CDH13: variants seen among roughly 807,000 people sequenced by gnomAD.
CDH13 encodes the protein cadherin 13.
In CDH13, 24 loss-of-function variants were observed where a neutral mutation model predicts 63.8. That is an observed-to-expected ratio of 0.38 (90% confidence interval 0.27 to 0.53). CDH13 has a LOEUF of 0.53. Ranked by LOEUF, CDH13 falls within the 20% of genes least tolerant of loss-of-function variation. The pLI is 0.85. For synonymous variants in CDH13, 503 were observed against 355.3 expected (o/e 1.42, Z -4.67); for missense variants, 1,049 against 903.1 (o/e 1.16, Z -2.07).
intron 4 of CDH13, chr16:83,171,480 T>A (rs2037913164): frequency 6.7e-7 from 1 of 1,487,966 alleles, no homozygotes; most frequent in Non-Finnish European, 9.1e-7. Flanking sequence ...GGTTACTCAT[T>A]CTATGAAAAT....
chr16:83,775,490 C>G (rs1261752558), intron 11 of CDH13, among the ~76,000 whole-genome samples: 1 of 151,826 alleles, frequency 6.6e-6, no homozygotes, highest in Non-Finnish European at 1.5e-5. Context: ...AGAAGTTAGA[C>G]TTCTCTGATC....
At chr16:82,635,770 C>G (rs893956200) in intron 1 of CDH13, among the ~76,000 whole-genome samples, 49 of 152,204 alleles carry the variant, frequency 3.2e-4, no homozygotes, top group African/African-American at 1.1e-3. Flanking sequence ...ATTGTAATCC[C>G]TAATGTTGGA....
chr16:83,764,488 C>T (rs1430916490), intron 11 of CDH13, among the ~76,000 whole-genome samples: 3 of 152,190 alleles, frequency 2.0e-5, no homozygotes, highest in African/African-American at 7.2e-5. Flanking sequence ...CCATCTCAAC[C>T]AGTTCATCCT....
chr16:83,573,931 C>T (rs1485694761), intron 7 of CDH13, among the ~76,000 whole-genome samples: 2 of 152,106 alleles, frequency 1.3e-5, no homozygotes, highest in Admixed American at 6.5e-5. Flanking sequence ...AAGCCTGGAC[C>T]ATCTTGCTCC....
At chr16:83,376,009 A>G (rs185565173) in intron 6 of CDH13, among the ~76,000 whole-genome samples, 3 of 152,298 alleles carry the variant, frequency 2.0e-5, no homozygotes, top group African/African-American at 7.2e-5. Flanking sequence ...TAAAGGACCA[A>G]GAGGAGCTTT....
At chr16:83,433,449 C>A (rs1478426407) in intron 6 of CDH13, among the ~76,000 whole-genome samples, 1 of 152,180 alleles carries the variant, frequency 6.6e-6, no homozygotes, top group Non-Finnish European at 1.5e-5. Flanking sequence ...TGGGAAAATG[C>A]ATGACCAGCG....
rs569843175 is a variant in CDH13 at position 83,097,577 on chromosome 16, C to T, written c.367-27808C>T. Among the ~76,000 whole-genome samples the T allele has an allele frequency of 1.7e-4, 26 of 152,276 alleles. No homozygotes were observed. In the South Asian group the frequency reaches 5.2e-3, roughly 30 times the overall value. On this transcript the variant is annotated intron_variant, in intron 3 of 13. Transcript: ENST00000567109. ...GTAATCAATATGGATGCCTGGGTGA[C>T]AACTCCTTCCTTCCTAACTTTCACA...
At chr16:82,676,662 C>G (rs907419280) in intron 1 of CDH13, among the ~76,000 whole-genome samples, 36 of 152,188 alleles carry the variant, frequency 2.4e-4, no homozygotes, top group African/African-American at 8.4e-4. Flanking sequence ...CCTTCAGTGG[C>G]CTGCCGTTGG....
At chr16:83,520,028 A>C (rs575273581) in intron 7 of CDH13, among the ~76,000 whole-genome samples, 10 of 152,210 alleles carry the variant, frequency 6.6e-5, no homozygotes, top group Non-Finnish European at 1.3e-4. Flanking sequence ...GGGTAACTTC[A>C]TGATATAAAT....
At chr16:83,345,576 T>G (rs2090822342) in intron 6 of CDH13, among the ~76,000 whole-genome samples, 1 of 152,236 alleles carries the variant, frequency 6.6e-6, no homozygotes, top group African/African-American at 2.4e-5. Context: ...TCAAGGTTAC[T>G]ATAGAGCTCC....
At chr16:82,848,643 C>T (rs757510908) in intron 1 of CDH13, among the ~76,000 whole-genome samples, 5 of 151,422 alleles carry the variant, frequency 3.3e-5, no homozygotes, top group Non-Finnish European at 7.4e-5. Context: ...TTGATAAGTG[C>T]GTGTTCTGAC....
intron 4 of CDH13, among the ~76,000 whole-genome samples, chr16:83,215,332 G>T (rs552474652): frequency 6.6e-6 from 1 of 151,880 alleles, no homozygotes; most frequent in African/African-American, 2.4e-5. Flanking sequence ...GCCCACCTTG[G>T]CCTCTCAAAG....
intron 1 of CDH13, chr16:82,727,648 C>G (rs923276527): frequency 1.3e-5 from 2 of 152,164 alleles, no homozygotes; most frequent in East Asian, 1.9e-4. Context: ...GGATAAAAGA[C>G]TGGAGAAAGT....
At chr16:83,608,788 A>G in intron 8 of CDH13, among the ~76,000 whole-genome samples, 1 of 151,746 alleles carries the variant, frequency 6.6e-6, no homozygotes, top group East Asian at 1.9e-4. Flanking sequence ...GATTAAAGGC[A>G]TGAGCCACTG....
chr16:83,449,394 T>A (rs1199576540), intron 6 of CDH13, among the ~76,000 whole-genome samples: 1 of 151,998 alleles, frequency 6.6e-6, no homozygotes, highest in African/African-American at 2.4e-5. Flanking sequence ...GAGAAACGGC[T>A]CCCTTACCTG....
intron 3 of CDH13, among the ~76,000 whole-genome samples, chr16:83,069,949 A>C (rs995877233): frequency 2.6e-5 from 4 of 152,240 alleles, no homozygotes; most frequent in African/African-American, 9.6e-5. Flanking sequence ...GATACCAGAA[A>C]AAGAAATAAA....
At chr16:82,839,760 A>G (rs1567588036) in intron 1 of CDH13, among the ~76,000 whole-genome samples, 1 of 152,216 alleles carries the variant, frequency 6.6e-6, no homozygotes, top group Non-Finnish European at 1.5e-5. Flanking sequence ...GTAGTCCCCC[A>G]GCCTACTGTA....
intron 2 of CDH13, among the ~76,000 whole-genome samples, chr16:82,960,518 A>G (rs1906805129): frequency 6.6e-6 from 1 of 152,220 alleles, no homozygotes; most frequent in East Asian, 1.9e-4. Context: ...GACTATGTCT[A>G]TAAATATGCC....
rs71272416 is a variant in CDH13 at position 83,265,727 on chromosome 16, C to CTTTTTTTT, written c.636+48249_636+48256dup. ...GTTTTCTGTTGCTTCTAAATTTCTG[C>CTTTTTTTT]TTTTTTTTTTTTTTTTTTTTTTTTT... is the stretch of plus-strand genomic sequence containing the variant. On this transcript the variant is annotated intron_variant, in intron 5 of 13. Transcript: ENST00000567109. 2.2e-3 allele frequency among the ~76,000 whole-genome samples: 94 copies of CTTTTTTTT among 42,572 alleles called. 18 individuals are homozygous for CTTTTTTTT. The highest frequency in any genetic ancestry group is 2.7e-3 in the African/African-American group (23 of 8,602). The allele number at this position is 42,572 out of a possible 152,430, so 27.9% of individuals were successfully genotyped here. A position where few individuals can be genotyped will look rare whatever the true frequency, so the allele number is the denominator to read the frequency against.
Sources: gnomAD v4.1 joint callset for allele counts (sites outside exome capture counted in the v4.1 genomes callset) on GRCh38, gnomAD v4.1.1 for gene constraint, MANE v1.5 for transcripts, NCBI Gene and HGNC (gene_info 2026-07-23, HGNC 2026-07-21) for gene names.